The following UNC5D variants were observed in gnomAD, a reference collection of about 807,000 sequenced individuals.
UNC5D encodes unc-5 netrin receptor D, also known as netrin receptor UNC5D.
UNC5D carries 39 observed loss-of-function variants against 105.4 expected under a neutral mutation model. The ratio of observed to expected loss-of-function variants is 0.37; its 90% confidence interval spans 0.29 to 0.48. UNC5D has a LOEUF of 0.48. Among genes scored for constraint, UNC5D ranks in the 20% least tolerant of loss-of-function variants. The probability of loss-of-function intolerance (pLI) is 0.98; values close to 1 mark genes in which losing one functional copy is unlikely to be tolerated. For missense variants in UNC5D, 991 were observed against 1,202.4 expected, an observed-to-expected ratio of 0.82 and a Z score of 2.60; for synonymous variants, 452 against 450.4, an observed-to-expected ratio of 1.00 and a Z score of -0.04.
At chr8:35,666,961 T>C (rs1005496967) in intron 4 of UNC5D, among the ~76,000 whole-genome samples, 3 of 152,126 alleles carry the variant, frequency 2.0e-5, no homozygotes, top group African/African-American at 7.2e-5. Context: ...TAGGGGAAGA[T>C]AGCTGGGAAG....
intron 1 of UNC5D, among the ~76,000 whole-genome samples, chr8:35,239,273 G>C (rs1472051250): frequency 6.6e-6 from 1 of 152,148 alleles, no homozygotes; most frequent in Non-Finnish European, 1.5e-5. Context: ...GATCCTTTCT[G>C]AGCTCTCTCA....
rs1803090811 is a variant in UNC5D, at chr8:35,792,566, T to A, written c.*2003T>A. On this transcript the variant is annotated 3_prime_UTR_variant, in exon 17 of 17. Coordinates refer to ENST00000404895, the MANE Select transcript of UNC5D (RefSeq NM_080872.4). ...TAGATAAACAGCATGAAAATGTAAA[T>A]CATCTGGCATCACTGATAGAATTTC... 1 of 156,108 alleles carries A rather than the reference T, an allele frequency of 6.4e-6. No individual in the cohort carries two copies. Among genetic ancestry groups the A allele is most frequent in the South Asian group, 2.0e-4 (1 of 5,094 alleles). The allele number at this position is 156,108 out of a possible 1,614,324, so 9.7% of individuals were successfully genotyped here. A position where few individuals can be genotyped will look rare whatever the true frequency, so the allele number is the denominator to read the frequency against.
chr8:35,626,588 G>T (rs958793422), intron 4 of UNC5D, among the ~76,000 whole-genome samples: 1 of 152,202 alleles, frequency 6.6e-6, no homozygotes, highest in African/African-American at 2.4e-5. Flanking sequence ...AAAGCTGTCT[G>T]CAAGATACGA....
At chr8:35,642,636 A>G (rs967272662) in intron 4 of UNC5D, among the ~76,000 whole-genome samples, 4 of 152,020 alleles carry the variant, frequency 2.6e-5, no homozygotes, top group African/African-American at 9.7e-5. Context: ...CATCAAATCA[A>G]TCTGGAGATG....
intron 1 of UNC5D, among the ~76,000 whole-genome samples, chr8:35,283,519 T>C (rs763463743): frequency 1.3e-5 from 2 of 152,168 alleles, no homozygotes; most frequent in Non-Finnish European, 2.9e-5. Flanking sequence ...CCCAGCACTT[T>C]GGGAGGCCAG....
intron 1 of UNC5D, among the ~76,000 whole-genome samples, chr8:35,538,242 G>T (rs376094283): frequency 1.3e-5 from 2 of 151,344 alleles, no homozygotes; most frequent in Non-Finnish European, 2.9e-5. Context: ...GCATGCGTGT[G>T]ATCTCCAGGT....
chr8:35,350,829 G>A (rs918397953), intron 1 of UNC5D, among the ~76,000 whole-genome samples: 5 of 151,956 alleles, frequency 3.3e-5, no homozygotes. Context: ...TTTCCAATCT[G>A]TGCACTCTCT....
At chr8:35,245,093 C>G (rs1044039261) in intron 1 of UNC5D, among the ~76,000 whole-genome samples, 1 of 152,122 alleles carries the variant, frequency 6.6e-6, no homozygotes, top group Non-Finnish European at 1.5e-5. Context: ...AATCTGCGTA[C>G]TTTTCTAAAT....
At chr8:35,689,916 G>A (rs1489245643) in intron 7 of UNC5D, among the ~76,000 whole-genome samples, 3 of 152,168 alleles carry the variant, frequency 2.0e-5, no homozygotes, top group Non-Finnish European at 2.9e-5. Flanking sequence ...CATCATGGAT[G>A]CATATGTGCT....
At chr8:35,691,638 A>C (rs1460247882) in intron 7 of UNC5D, among the ~76,000 whole-genome samples, 1 of 152,178 alleles carries the variant, frequency 6.6e-6, no homozygotes, top group Non-Finnish European at 1.5e-5. Flanking sequence ...GGAAAAAGGT[A>C]ATGATGTGGT....
At chr8:35,527,407 G>A (rs921128358) in intron 1 of UNC5D, among the ~76,000 whole-genome samples, 2 of 152,116 alleles carry the variant, frequency 1.3e-5, no homozygotes, top group African/African-American at 4.8e-5. Context: ...AAGTTCTTAG[G>A]GCTAAGAAGT....
intron 1 of UNC5D, among the ~76,000 whole-genome samples, chr8:35,370,072 C>G (rs930680889): frequency 1.3e-5 from 2 of 152,078 alleles, no homozygotes; most frequent in Admixed American, 1.3e-4. Context: ...ACTTTTTATG[C>G]AGACTTTGTA....
chr8:35,529,834 G>A (rs1416159593), intron 1 of UNC5D, among the ~76,000 whole-genome samples: 14 of 144,356 alleles, frequency 9.7e-5, no homozygotes, highest in South Asian at 2.3e-4. Flanking sequence ...GTTCACTCAT[G>A]ATTTGGCTGT....
chr8:35,555,288 T>C (rs1816460398), intron 2 of UNC5D, among the ~76,000 whole-genome samples: 1 of 152,204 alleles, frequency 6.6e-6, no homozygotes, highest in African/African-American at 2.4e-5. Context: ...CAGGAAAATG[T>C]TATGAATTCC....
At chr8:35,693,955 C>A (rs946732465) in intron 7 of UNC5D, among the ~76,000 whole-genome samples, 19 of 152,094 alleles carry the variant, frequency 1.2e-4, no homozygotes, top group African/African-American at 4.3e-4. Flanking sequence ...AGCTGGAGAG[C>A]AGGATGCATG....
rs548252210 is a variant in UNC5D, at chr8:35,589,164, A to G, written c.467-6390A>G. Among the ~76,000 whole-genome samples the G allele has an allele frequency of 3.9e-5, 6 of 152,164 alleles. No homozygotes were observed. The South Asian group carries it at 1.2e-3, about 31-fold the overall frequency. On this transcript the variant is annotated intron_variant, in intron 3 of 16. Coordinates refer to ENST00000404895, the MANE Select transcript of UNC5D (RefSeq NM_080872.4). ...TTGGGAGAGAGTGATTTTTATTACT[A>G]ACATGCATATGGTAGAGATCATGTA...
chr8:35,713,800 A>G (rs1828096475), intron 8 of UNC5D, among the ~76,000 whole-genome samples: 2 of 152,234 alleles, frequency 1.3e-5, no homozygotes, highest in Non-Finnish European at 2.9e-5. Flanking sequence ...CAAAAATAAA[A>G]GTCTGCAAAA....
intron 9 of UNC5D, among the ~76,000 whole-genome samples, chr8:35,724,724 A>G (rs1313518386): frequency 6.6e-6 from 1 of 152,212 alleles, no homozygotes; most frequent in African/African-American, 2.4e-5. Flanking sequence ...TTGAGATAAA[A>G]GAGCCAGGTG....
intron 7 of UNC5D, among the ~76,000 whole-genome samples, chr8:35,702,061 G>T (rs1258494647): frequency 1.3e-5 from 2 of 151,856 alleles, no homozygotes; most frequent in Admixed American, 6.6e-5. Flanking sequence ...TACACAAAAA[G>T]ATTATAAGAC....
Sources: gnomAD v4.1 joint callset for allele counts (sites outside exome capture counted in the v4.1 genomes callset) on GRCh38, gnomAD v4.1.1 for gene constraint, MANE v1.5 for transcripts, NCBI Gene and HGNC (gene_info 2026-07-23, HGNC 2026-07-21) for gene names.